CLEC16A: variants seen among roughly 807,000 people sequenced by gnomAD.
The protein encoded by CLEC16A is C-type lectin domain containing 16A.
A neutral mutation model predicts 109.5 loss-of-function variants in CLEC16A; 51 were observed. The ratio of observed to expected loss-of-function variants is 0.47; its 90% CI spans 0.37 to 0.59. The LOEUF is 0.59. CLEC16A is among the 20% of genes least tolerant of loss of function. The pLI, the probability that CLEC16A is intolerant of heterozygous loss-of-function variation, is 0.00. For missense variants in CLEC16A, 1,339 were observed against 1,394.0 expected, an observed-to-expected ratio of 0.96 and a Z score of 0.63; for synonymous variants, 673 against 564.2, an observed-to-expected ratio of 1.19 and a Z score of -2.73.
chr16:11,160,785 A>C (rs1009418646), intron 22 of CLEC16A, among the ~76,000 whole-genome samples: 24 of 152,324 alleles, frequency 1.6e-4, no homozygotes, highest in African/African-American at 5.3e-4. Context: ...CAGGGACCCA[A>C]ACTCCTTCCT....
chr16:10,954,262 G>A lies in CLEC16A; in HGVS notation c.81-3520G>A, dbSNP rs2041881578. Reference sequence around the variant, plus strand: ...CTCACTTGCTGTCTTGTCCTGTGCAGTGGCAACAGTGTGCACATCTTCAGG... The same window carrying A: ...CTCACTTGCTGTCTTGTCCTGTGCAATGGCAACAGTGTGCACATCTTCAGG... On this transcript the variant is annotated intron_variant, in intron 1 of 23. Transcript: ENST00000409790. The surrounding 1 kb of genome is among the most constrained non-coding windows in gnomAD (Gnocchi z 4.2). 6.6e-6 allele frequency among the ~76,000 whole-genome samples: 1 copy of A among 152,228 alleles called. No individual in the cohort carries two copies. Among genetic ancestry groups the A allele is most frequent in the Admixed American group, 6.5e-5 (1 of 15,290 alleles).
intron 19 of CLEC16A, among the ~76,000 whole-genome samples, chr16:11,076,967 G>A (rs2049410353): frequency 6.6e-6 from 1 of 152,190 alleles, no homozygotes; most frequent in East Asian, 1.9e-4. Context: ...AAAGTATTGT[G>A]ACCTTGAATC....
At chr16:11,014,187 GT>G (rs2045603749) in intron 11 of CLEC16A, among the ~76,000 whole-genome samples, 1 of 152,122 alleles carries the variant, frequency 6.6e-6, no homozygotes, top group Non-Finnish European at 1.5e-5. Flanking sequence ...ATTTGTGTAT[GT>G]TTTCTTCTTT....
rs1031502211 is a variant in CLEC16A, at chr16:11,179,400, AT to A, written c.*716del. The A allele has an allele frequency of 6.6e-6, 1 of 152,192 alleles. No homozygotes were observed. Among genetic ancestry groups the A allele is most frequent in the East Asian group, 1.9e-4 (1 of 5,202 alleles). 9.4% of individuals were successfully genotyped at this position (152,192 alleles called of 1,614,324 possible). ...AGTACCTTCCTGGAAAGTTTGGATT[AT>A]TTTTTAAACAAAAACAAGGGAGATA... is the stretch of plus-strand genomic sequence containing the variant. On this transcript the variant is annotated 3_prime_UTR_variant, in exon 24 of 24. Transcript: ENST00000409790.
At chr16:10,968,556 C>T (rs1480331896) in intron 3 of CLEC16A, among the ~76,000 whole-genome samples, 1 of 152,198 alleles carries the variant, frequency 6.6e-6, no homozygotes, top group East Asian at 1.9e-4. Context: ...CTGTGACTGT[C>T]TCTGTGCACG....
chr16:10,989,923 G>A (rs76571466), intron 10 of CLEC16A, among the ~76,000 whole-genome samples: 19 of 152,296 alleles, frequency 1.2e-4, no homozygotes, highest in African/African-American at 4.3e-4. Context: ...CGAGTCTCCC[G>A]TGTGCTGAAT....
intron 23 of CLEC16A, among the ~76,000 whole-genome samples, chr16:11,176,242 G>A (rs960856507): frequency 1.3e-5 from 2 of 152,258 alleles, no homozygotes; most frequent in Admixed American, 1.3e-4. Context: ...GAGCAAATCA[G>A]TTGAAATTCA....
chr16:11,123,967 A>G (rs1196074417), intron 21 of CLEC16A, 21 bp downstream of exon 21: 2 of 1,575,468 alleles, frequency 1.3e-6, no homozygotes, highest in East Asian at 2.4e-5. Flanking sequence ...GGACCCTGGC[A>G]GGGCATCCTC....
At chr16:10,974,207 T>C (rs2042933838) in intron 7 of CLEC16A, among the ~76,000 whole-genome samples, 1 of 151,706 alleles carries the variant, frequency 6.6e-6, no homozygotes, top group Admixed American at 6.6e-5. Flanking sequence ...CATAAGGTGC[T>C]TTTTTTTGCA....
At chr16:10,945,836 C>G (rs12598008) in intron 1 of CLEC16A, among the ~76,000 whole-genome samples, 50,004 of 152,154 alleles carry the variant, frequency 0.33, 10,447 homozygotes, top group East Asian at 0.58. Context: ...CTTCTCCACT[C>G]TCTGCGATTA....
chr16:11,181,196 A>T lies in CLEC16A; in HGVS notation c.*2506A>T, dbSNP rs1339493962. 1.3e-5 allele frequency: 2 copies of T among 152,434 alleles called. No homozygotes were observed. The highest frequency in any genetic ancestry group is 1.3e-4 in the Admixed American group (2 of 15,294). The allele number at this position is 152,434 out of a possible 1,614,324, so 9.4% of individuals were successfully genotyped here. On this transcript the variant is annotated 3_prime_UTR_variant, in exon 24 of 24. Transcript: ENST00000409790. ...CCCACCTCACCCAGGTCTCAGCGGC[A>T]GTGGGCACAGCTATGTCTTCAGGAG...
intron 2 of CLEC16A, among the ~76,000 whole-genome samples, chr16:10,959,568 T>C (rs1251151575): frequency 1.4e-5 from 2 of 146,080 alleles, no homozygotes; most frequent in Non-Finnish European, 3.1e-5. Flanking sequence ...ATTTTTGTAT[T>C]TTTAGTAGAG....
chr16:10,972,075 C>G (rs540871971), intron 5 of CLEC16A, among the ~76,000 whole-genome samples: 16 of 152,342 alleles, frequency 1.1e-4, no homozygotes, highest in South Asian at 2.1e-4. Flanking sequence ...AACTGAGGAC[C>G]TGTGGGCCAT....
chr16:11,049,221 T>C (rs1263720667), intron 17 of CLEC16A, among the ~76,000 whole-genome samples: 1 of 152,202 alleles, frequency 6.6e-6, no homozygotes, highest in Non-Finnish European at 1.5e-5. Flanking sequence ...CTGGCCAGGC[T>C]GGTCTCAAAC....
At chr16:11,135,467 G>A (rs985121227) in intron 22 of CLEC16A, among the ~76,000 whole-genome samples, 3 of 152,222 alleles carry the variant, frequency 2.0e-5, no homozygotes, top group African/African-American at 7.2e-5. Context: ...GGACACAGTA[G>A]GCAGGGCCAG....
chr16:11,042,859 CAT>C (rs977888473), intron 15 of CLEC16A, among the ~76,000 whole-genome samples: 5 of 150,052 alleles, frequency 3.3e-5, no homozygotes, highest in African/African-American at 9.8e-5. Context: ...CACACACACA[CAT>C]ATTATATATG....
chr16:11,101,054 G>A (rs2050886567), intron 19 of CLEC16A, among the ~76,000 whole-genome samples: 1 of 152,120 alleles, frequency 6.6e-6, no homozygotes, highest in African/African-American at 2.4e-5. Flanking sequence ...ACTGTTTGAT[G>A]AATTAATAAA....
At chr16:11,172,625 A>G (rs951156177) in intron 23 of CLEC16A, among the ~76,000 whole-genome samples, 5 of 152,206 alleles carry the variant, frequency 3.3e-5, no homozygotes, top group Non-Finnish European at 7.3e-5. Context: ...GCAGTGGCTC[A>G]TGCCTGTAAT....
At chr16:11,010,675 A>G (rs1232539160) in intron 11 of CLEC16A, among the ~76,000 whole-genome samples, 1 of 152,214 alleles carries the variant, frequency 6.6e-6, no homozygotes, top group Non-Finnish European at 1.5e-5. Context: ...TCAAATTCAT[A>G]GTATTCTCCT....
Sources: allele counts gnomAD v4.1 joint callset (sites outside exome capture counted in the v4.1 genomes callset), GRCh38; gene constraint gnomAD v4.1.1; non-coding constraint Gnocchi (gnomAD v3.1); transcripts MANE v1.5; gene names NCBI Gene and HGNC (gene_info 2026-07-23, HGNC 2026-07-21).